The following NEGR1 variants were observed in gnomAD, a reference collection of about 807,000 sequenced individuals.
The protein encoded by NEGR1 is neuronal growth regulator 1, also known as IgLON family member 4.
A neutral mutation model predicts 40.9 loss-of-function variants in NEGR1; 10 were observed. The observed-to-expected ratio is 0.24, with a 90% CI of 0.15 to 0.42. The LOEUF (loss-of-function observed/expected upper bound fraction) is 0.42. Among genes scored for constraint, NEGR1 ranks in the 10% least tolerant of loss-of-function variants. The pLI, the probability that NEGR1 is intolerant of heterozygous loss-of-function variation, is 1.00. For synonymous variants in NEGR1, 185 were observed against 166.8 expected (o/e 1.11, Z -0.84); for missense variants, 352 against 438.9 (o/e 0.80, Z 1.77).
intron 1 of NEGR1, among the ~76,000 whole-genome samples, chr1:72,132,958 G>C (rs1650313328): frequency 6.6e-6 from 1 of 152,056 alleles, no homozygotes. Context: ...GAAGCAAAGA[G>C]ATAGGCTAGC....
At chr1:72,177,241 T>C (rs1477502308) in intron 1 of NEGR1, among the ~76,000 whole-genome samples, 1 of 152,084 alleles carries the variant, frequency 6.6e-6, no homozygotes, top group East Asian at 1.9e-4. Flanking sequence ...ATGGTATATT[T>C]TTAGCAACCG....
intron 4 of NEGR1, among the ~76,000 whole-genome samples, chr1:71,625,561 G>C (rs1650747198): frequency 6.6e-6 from 1 of 151,754 alleles, no homozygotes; most frequent in African/African-American, 2.4e-5. Flanking sequence ...TAAGGGACTA[G>C]AGCATATACA....
intron 3 of NEGR1, among the ~76,000 whole-genome samples, chr1:71,745,598 C>A (rs191305563): frequency 7.6e-4 from 115 of 152,226 alleles, no homozygotes; most frequent in Middle Eastern, 6.8e-3. Context: ...TCTACCACCC[C>A]AGTTTCTGGA....
intron 6 of NEGR1, among the ~76,000 whole-genome samples, chr1:71,416,264 G>A (rs1008095401): frequency 6.6e-6 from 1 of 151,964 alleles, no homozygotes; most frequent in Non-Finnish European, 1.5e-5. Context: ...TTTTATGTAG[G>A]GTGTCTAAAC....
At chr1:71,902,041 G>A (rs1661158827) in intron 2 of NEGR1, among the ~76,000 whole-genome samples, 1 of 152,072 alleles carries the variant, frequency 6.6e-6, no homozygotes, top group South Asian at 2.1e-4. Flanking sequence ...AATGATAATA[G>A]CAATTATTTT....
chr1:72,168,352 T>C (rs1272322608), intron 1 of NEGR1, among the ~76,000 whole-genome samples: 1 of 151,982 alleles, frequency 6.6e-6, no homozygotes, highest in Non-Finnish European at 1.5e-5. Flanking sequence ...GGAGAGCCAG[T>C]CCTTTTTTTT....
chr1:72,016,344 GCT>G (rs1347639462), intron 1 of NEGR1, among the ~76,000 whole-genome samples: 3 of 152,124 alleles, frequency 2.0e-5, no homozygotes, highest in Non-Finnish European at 4.4e-5. Context: ...AGACAGAGAA[GCT>G]AAGGATTAGT....
At chr1:71,576,174 A>AT (rs1648960880) in intron 6 of NEGR1, among the ~76,000 whole-genome samples, 1 of 152,178 alleles carries the variant, frequency 6.6e-6, no homozygotes, top group Admixed American at 6.5e-5. Context: ...TAAGGAACAT[A>AT]CTATACTGCT....
intron 1 of NEGR1, among the ~76,000 whole-genome samples, chr1:71,961,529 G>A (rs1646165328): frequency 6.6e-6 from 1 of 152,058 alleles, no homozygotes; most frequent in Non-Finnish European, 1.5e-5. Flanking sequence ...AAAACATCAG[G>A]TTTTCTCTAC....
At chr1:72,013,972 A>AAT (rs1553130495) in intron 1 of NEGR1, among the ~76,000 whole-genome samples, 3 of 137,604 alleles carry the variant, frequency 2.2e-5, no homozygotes, top group Non-Finnish European at 4.5e-5. Flanking sequence ...ATAAAAAAAA[A>AAT]AAAAAAAAAA....
At chr1:71,781,176 T>A (rs1656703126) in intron 2 of NEGR1, among the ~76,000 whole-genome samples, 1 of 152,168 alleles carries the variant, frequency 6.6e-6, no homozygotes. Flanking sequence ...AACATGACCA[T>A]TAACAGAGAA....
At chr1:71,839,576 T>A (rs1026570360) in intron 2 of NEGR1, among the ~76,000 whole-genome samples, 4 of 151,948 alleles carry the variant, frequency 2.6e-5, no homozygotes, top group African/African-American at 9.7e-5. Context: ...AAAGAAATAA[T>A]ACAAATTAAA....
chr1:72,218,616 T>G (rs1051489675), intron 1 of NEGR1, among the ~76,000 whole-genome samples: 16 of 150,522 alleles, frequency 1.1e-4, no homozygotes, highest in African/African-American at 3.7e-4. Flanking sequence ...TAGGGAGTTG[T>G]TTTTTTTTCC....
rs148741062 is a variant in NEGR1, at chr1:71,835,039, T to C, written c.410-58742A>G. 2.7e-3 allele frequency among the ~76,000 whole-genome samples: 412 copies of C among 152,226 alleles called. 3 individuals carry two copies. Among genetic ancestry groups the C allele is most frequent in the African/African-American group, 9.6e-3 (399 of 41,562 alleles). ...GGCTGGACTGATTACAGCTAGGCTTTTTTCCATGGTCTTTGCCTGGTTGTT... is the reference window on the plus strand; with the variant it reads ...GGCTGGACTGATTACAGCTAGGCTTCTTTCCATGGTCTTTGCCTGGTTGTT... On this transcript the variant is annotated intron_variant, in intron 2 of 6. Coordinates refer to ENST00000357731, the MANE Select transcript of NEGR1 (RefSeq NM_173808.3).
chr1:72,188,051 GT>G (rs1652677060), intron 1 of NEGR1, among the ~76,000 whole-genome samples: 1 of 151,468 alleles, frequency 6.6e-6, no homozygotes, highest in South Asian at 2.1e-4. Flanking sequence ...GATTAGAATA[GT>G]TTTGGTTCCT....
At chr1:71,774,296 C>T (rs972584581) in intron 3 of NEGR1, among the ~76,000 whole-genome samples, 5 of 151,940 alleles carry the variant, frequency 3.3e-5, no homozygotes, top group Non-Finnish European at 7.4e-5. Context: ...GCACTTATAC[C>T]CCACGGAGAG....
intron 2 of NEGR1, among the ~76,000 whole-genome samples, chr1:71,808,242 G>A (rs540925933): frequency 6.6e-6 from 1 of 152,124 alleles, no homozygotes; most frequent in Admixed American, 6.5e-5. Context: ...AGAAATAAAT[G>A]TTTCATGATT....
At chr1:72,050,177 TA>T (rs1456017527) in intron 1 of NEGR1, among the ~76,000 whole-genome samples, 1 of 151,626 alleles carries the variant, frequency 6.6e-6, no homozygotes, top group Non-Finnish European at 1.5e-5. Context: ...ATATAGTATA[TA>T]AAGTTAAATT....
intron 2 of NEGR1, among the ~76,000 whole-genome samples, chr1:71,930,648 T>C (rs181701623): frequency 6.9e-4 from 105 of 152,314 alleles, no homozygotes; most frequent in African/African-American, 2.5e-3. Context: ...CTCAAAACAA[T>C]GACTAAGCAA....
Sources: allele counts gnomAD v4.1 joint callset (sites outside exome capture counted in the v4.1 genomes callset), GRCh38; gene constraint gnomAD v4.1.1; transcripts MANE v1.5; gene names NCBI Gene and HGNC (gene_info 2026-07-23, HGNC 2026-07-21).